CPLANE1: variants seen among roughly 807,000 people sequenced by gnomAD.
CPLANE1 encodes the protein ciliogenesis and planar polarity effector complex subunit 1.
CPLANE1 carries 263 observed loss-of-function variants against 362.5 expected under a neutral mutation model. The observed-to-expected ratio is 0.73, with a 90% CI of 0.66 to 0.80. The LOEUF (loss-of-function observed/expected upper bound fraction) is 0.80. Ranked by LOEUF, CPLANE1 falls within the 30% of genes least tolerant of loss-of-function variation. The pLI is 0.00. For missense variants in CPLANE1, 3,461 were observed against 3,793.4 expected (o/e 0.91, Z 2.30); for synonymous variants, 1,212 against 1,302.6 (o/e 0.93, Z 1.50).
intron 46 of CPLANE1, among the ~76,000 whole-genome samples, chr5:37,129,163 T>C (rs986458175): frequency 6.6e-6 from 1 of 152,104 alleles, no homozygotes; most frequent in Admixed American, 6.5e-5. Flanking sequence ...GGAAGGACAC[T>C]CTATTCAACA....
Position 37,183,152 on chromosome 5 carries a change from A to T in CPLANE1, c.5029T>A (p.Leu1677Ile), listed in dbSNP as rs1483052986. Residue 1677 changes from leucine (L) to isoleucine (I), a missense_variant, in exon 26 of 53, where the codon TTA becomes ATA. This residue lies in a region of CPLANE1 where 3,380 missense variants were observed against 3,666.1 expected (regional missense o/e 0.92). Transcript: ENST00000651892. ...ATTGACCTTTGTTTTAAACCAAATA[A>T]TCCACTCATTCCTTCATTCTTATTG... is the stretch of plus-strand genomic sequence containing the variant. Reference protein sequence around the residue: ...EVNKNEGMSGLFGLKQRSIYK... With the variant: ...EVNKNEGMSGIFGLKQRSIYK... The T allele has an allele frequency of 1.9e-6, 3 of 1,612,680 alleles. No homozygotes were observed. The African/African-American group carries it at 4.0e-5, about 22-fold the overall frequency.
chr5:37,180,262 T>G, intron 27 of CPLANE1, 79 bp from the exon 28 acceptor site: 3 of 953,726 alleles, frequency 3.1e-6, no homozygotes, highest in Non-Finnish European at 4.3e-6. Flanking sequence ...TTTTTTTTGT[T>G]TTTTTTTTTA....
intron 50 of CPLANE1, among the ~76,000 whole-genome samples, chr5:37,119,229 A>G (rs1761931007): frequency 6.6e-6 from 1 of 152,224 alleles, no homozygotes; most frequent in South Asian, 2.1e-4. Flanking sequence ...TGAGCTTCTT[A>G]GCATTCCTAT....
chr5:37,104,627 C>A (rs1219141517), downstream of CPLANE1, among the ~76,000 whole-genome samples: 2 of 135,988 alleles, frequency 1.5e-5, no homozygotes, highest in Non-Finnish European at 3.1e-5. Flanking sequence ...ATAATTCAGC[C>A]GGGCATGGTG....
intron 43 of CPLANE1, among the ~76,000 whole-genome samples, chr5:37,146,470 C>A (rs919540184): frequency 3.9e-5 from 6 of 152,168 alleles, no homozygotes; most frequent in African/African-American, 1.4e-4. Context: ...AGCCACCACG[C>A]CCGGCCTAAA....
intron 9 of CPLANE1, 67 bp from the exon 10 acceptor site, chr5:37,227,884 T>C: frequency 1.4e-6 from 2 of 1,413,658 alleles, no homozygotes; most frequent in Non-Finnish European, 1.9e-6. Context: ...AATAATGTTT[T>C]TCAAAAAAGA....
intron 21 of CPLANE1, among the ~76,000 whole-genome samples, chr5:37,192,877 A>C (rs981805012): frequency 2.3e-5 from 3 of 131,378 alleles, no homozygotes; most frequent in African/African-American, 8.7e-5. Flanking sequence ...AAAAACAAAT[A>C]CCTCATCTGG....
intron 38 of CPLANE1, among the ~76,000 whole-genome samples, chr5:37,159,831 A>G (rs1776372687): frequency 6.6e-6 from 1 of 152,238 alleles, no homozygotes; most frequent in South Asian, 2.1e-4. Flanking sequence ...CATCTTTAAT[A>G]AGTCATACTG....
At chr5:37,124,812 C>T in intron 47 of CPLANE1, 1 of 922,444 alleles carries the variant, frequency 1.1e-6, no homozygotes, top group African/African-American at 1.8e-5. Context: ...CTTTGGTCTC[C>T]CAAAGTTTTC....
At chr5:37,177,175 A>G (rs1342234233) in intron 30 of CPLANE1, among the ~76,000 whole-genome samples, 1 of 152,234 alleles carries the variant, frequency 6.6e-6, no homozygotes, top group Non-Finnish European at 1.5e-5. Context: ...CCTTGAAGCA[A>G]TAAGCTAGCC....
At chr5:37,078,092 A>G in the CPLANE1 span, among the ~76,000 whole-genome samples, 1 of 151,526 alleles carries the variant, frequency 6.6e-6, no homozygotes, top group African/African-American at 2.5e-5. Flanking sequence ...CAGGATGTGC[A>G]GGTTTGTTAC....
chr5:37,242,257 G>A (rs1400089744), intron 6 of CPLANE1, among the ~76,000 whole-genome samples: 1 of 151,968 alleles, frequency 6.6e-6, no homozygotes, highest in Admixed American at 6.6e-5. Context: ...GGGAGGCTGA[G>A]GCAGGAGAAT....
intron 37 of CPLANE1, 37 bp downstream of exon 37, chr5:37,164,236 T>C: frequency 1.3e-6 from 2 of 1,509,322 alleles, no homozygotes; most frequent in East Asian, 2.3e-5. Flanking sequence ...ATTTTAACTC[T>C]AAACTTAGAC....
At chr5:37,086,611 G>A in the CPLANE1 span, among the ~76,000 whole-genome samples, 2 of 152,182 alleles carry the variant, frequency 1.3e-5, no homozygotes, top group African/African-American at 2.4e-5. Flanking sequence ...TTTGTGGGCA[G>A]GATAACGCTC....
intron 51 of CPLANE1, among the ~76,000 whole-genome samples, chr5:37,113,248 G>A (rs1759860071): frequency 6.6e-6 from 1 of 152,156 alleles, no homozygotes; most frequent in South Asian, 2.1e-4. Context: ...AATCATGGGG[G>A]CAGTTACCTT....
intron 16 of CPLANE1, chr5:37,210,478 A>T: frequency 2.6e-6 from 3 of 1,170,402 alleles, no homozygotes; most frequent in Non-Finnish European, 3.8e-6. Flanking sequence ...ATTGAAGATG[A>T]AAGGAAGAAT....
chr5:37,224,454 A>T, intron 13 of CPLANE1, 78 bp downstream of exon 13: 1 of 1,313,536 alleles, frequency 7.6e-7, no homozygotes, highest in South Asian at 1.4e-5. Context: ...ACAAATCATT[A>T]CAACCAATTA....
chr5:37,120,822 C>T (rs1049182212), intron 49 of CPLANE1, among the ~76,000 whole-genome samples: 7 of 152,070 alleles, frequency 4.6e-5, no homozygotes, highest in Non-Finnish European at 8.8e-5. Context: ...AAAGTCTCAA[C>T]GGGAATCTTT....
intron 34 of CPLANE1, among the ~76,000 whole-genome samples, chr5:37,168,461 T>TA (rs149721270): frequency 0.14 from 21,695 of 152,126 alleles, 1,770 homozygotes; most frequent in African/African-American, 0.21. Context: ...AAGAGTCCAG[T>TA]AAATTCCAGT....
Sources: gnomAD v4.1 joint callset for allele counts (sites outside exome capture counted in the v4.1 genomes callset) on GRCh38, gnomAD v4.1.1 for gene constraint, gnomAD v4.1.1 regional missense constraint, MANE v1.5 for transcripts, NCBI Gene and HGNC (gene_info 2026-07-23, HGNC 2026-07-21) for gene names.